The following WDR27 variants were observed in gnomAD, a reference collection of about 807,000 sequenced individuals.
WDR27 encodes the protein WD repeat-containing protein 27.
A neutral mutation model predicts 114.4 loss-of-function variants in WDR27; 100 were observed. That is an observed-to-expected ratio of 0.87 (90% CI 0.74 to 1.03). WDR27 has a LOEUF of 1.03. Ranked by LOEUF, WDR27 falls within the 50% of genes least tolerant of loss-of-function variation. The probability of loss-of-function intolerance (pLI) is 0.00; values close to 1 mark genes in which losing one functional copy is unlikely to be tolerated. For missense variants in WDR27, 1,129 were observed against 1,092.9 expected, an observed-to-expected ratio of 1.03 and a Z score of -0.47; for synonymous variants, 449 against 423.1, an observed-to-expected ratio of 1.06 and a Z score of -0.75.
intron 25 of WDR27, among the ~76,000 whole-genome samples, chr6:169,547,279 T>C (rs1797573330): frequency 6.6e-6 from 1 of 151,972 alleles, no homozygotes; most frequent in African/African-American, 2.4e-5. Flanking sequence ...TAATCTCCTT[T>C]AAAGGATAGA....
chr6:169,647,558 G>A (rs1055502448), intron 16 of WDR27: 6 of 625,682 alleles, frequency 9.6e-6, no homozygotes, highest in Non-Finnish European at 1.2e-5. Context: ...CTGTGCCCAC[G>A]CAGGGGTGAG....
intron 25 of WDR27, among the ~76,000 whole-genome samples, chr6:169,521,819 G>A (rs1269756622): frequency 6.6e-6 from 1 of 151,668 alleles, no homozygotes. Context: ...AAAATTAAAA[G>A]CAACAAATTA....
At position 169,461,218 on chromosome 6, in the gene WDR27, C is replaced by G. The variant is rs374306511; in HGVS notation, c.2646-3584G>C. On this transcript the variant is annotated intron_variant, in intron 25 of 25. Coordinates refer to ENST00000448612, the MANE Select transcript of WDR27 (RefSeq NM_182552.5). ...CCTCTTCTAATAATGGATAGGACAA[C>G]CAGACAGAACATAGGTAAGGACATA... Among the ~76,000 whole-genome samples, 20 of 152,146 alleles carry G rather than the reference C, an allele frequency of 1.3e-4. No homozygotes were observed. In the South Asian group the frequency reaches 2.5e-3, roughly 19 times the overall value.
At chr6:169,612,698 TGC>T (rs1463679738) in intron 22 of WDR27, among the ~76,000 whole-genome samples, 26 of 149,616 alleles carry the variant, frequency 1.7e-4, no homozygotes, top group Non-Finnish European at 3.1e-4. Context: ...TGCCTGAGGC[TGC>T]TTTATAGTTA....
intron 2 of WDR27, among the ~76,000 whole-genome samples, chr6:169,679,199 G>C (rs913641402): frequency 3.9e-5 from 6 of 152,114 alleles, no homozygotes; most frequent in African/African-American, 1.4e-4. Flanking sequence ...ATGCCTCCCT[G>C]AAATATATAA....
chr6:169,668,119 TC>T lies in WDR27; in HGVS notation c.522del (p.Thr175ProfsTer23). On this transcript the variant is annotated frameshift_variant, in exon 5 of 26. Transcript: ENST00000448612. LOFTEE classifies it high-confidence loss of function. ...DVNNRHKVPP[P>X]TFLHTFSQTQ... is the part of the protein sequence containing the mutation. ...GTCTGAGAGAATGTGTGCAGGAAGG[TC>T]GGTGGTGGGACTTTGTGGCGGTTAT... The T allele has an allele frequency of 6.2e-7, 1 of 1,613,922 alleles. No homozygotes were observed.
intron 2 of WDR27, among the ~76,000 whole-genome samples, chr6:169,683,449 C>A (rs1782062435): frequency 6.6e-6 from 1 of 151,914 alleles, no homozygotes; most frequent in Non-Finnish European, 1.5e-5. Context: ...GCATACTGTA[C>A]CTGGAGAAAC....
chr6:169,565,798 T>C (rs1324837124), intron 25 of WDR27, among the ~76,000 whole-genome samples: 2 of 152,218 alleles, frequency 1.3e-5, no homozygotes, highest in African/African-American at 4.8e-5. Flanking sequence ...ACTACAGGCA[T>C]GAGCCACCAC....
the WDR27 span, among the ~76,000 whole-genome samples, chr6:169,446,020 C>A: frequency 6.6e-6 from 1 of 152,252 alleles, no homozygotes; most frequent in Non-Finnish European, 1.5e-5. Flanking sequence ...AATGAAAGGG[C>A]TCTGTCACTT....
the WDR27 span, among the ~76,000 whole-genome samples, chr6:169,443,101 A>G: frequency 1.1e-4 from 16 of 152,220 alleles, no homozygotes; most frequent in African/African-American, 3.9e-4. Context: ...AAGTGGGCTG[A>G]GGTTGGGAAC....
chr6:169,591,037 T>G (rs1305919322), intron 23 of WDR27, among the ~76,000 whole-genome samples: 1 of 152,162 alleles, frequency 6.6e-6, no homozygotes, highest in Non-Finnish European at 1.5e-5. Flanking sequence ...GATTCTACTT[T>G]TTGCTCTTTG....
At chr6:169,641,092 G>A (rs1050130125) in intron 17 of WDR27, among the ~76,000 whole-genome samples, 1 of 152,234 alleles carries the variant, frequency 6.6e-6, no homozygotes, top group African/African-American at 2.4e-5. Flanking sequence ...CGGCAATGCA[G>A]GGGTTGCGAA....
At chr6:169,660,638 A>G in intron 10 of WDR27, 25 bp downstream of exon 10, 2 of 1,580,372 alleles carry the variant, frequency 1.3e-6, no homozygotes, top group Non-Finnish European at 8.7e-7. Context: ...TTACAGTTAC[A>G]TGGCGTTGAA....
chr6:169,692,414 C>A (rs1784751054), intron 1 of WDR27, among the ~76,000 whole-genome samples: 1 of 152,122 alleles, frequency 6.6e-6, no homozygotes, highest in Non-Finnish European at 1.5e-5. Flanking sequence ...GATATGAGCA[C>A]AGGAGCTGCC....
intron 16 of WDR27, among the ~76,000 whole-genome samples, chr6:169,645,036 T>A (rs371823218): frequency 0.12 from 8,769 of 74,184 alleles, 59 homozygotes; most frequent in Middle Eastern, 0.17. Flanking sequence ...AAAAAAAAAA[T>A]AAAAAAAAAA....
chr6:169,651,865 G>A (rs1454591405), intron 14 of WDR27, 65 bp downstream of exon 14: 16 of 1,409,640 alleles, frequency 1.1e-5, no homozygotes, highest in Non-Finnish European at 1.5e-5. Flanking sequence ...GTCCCTATTT[G>A]TGTTAAAATC....
At chr6:169,427,809 C>A in the WDR27 span, among the ~76,000 whole-genome samples, 71 of 126,520 alleles carry the variant, frequency 5.6e-4, no homozygotes, top group South Asian at 1.4e-3. Flanking sequence ...AAACAACAAC[C>A]AAAAAAAAAA....
the WDR27 span, among the ~76,000 whole-genome samples, chr6:169,447,901 A>G: frequency 6.6e-6 from 1 of 152,184 alleles, no homozygotes; most frequent in Non-Finnish European, 1.5e-5. Context: ...TGGGAAGTCA[A>G]TGAGTTGGAT....
chr6:169,667,199 C>CA lies in WDR27; in HGVS notation c.661-13dup. The CA allele has an allele frequency of 6.6e-7, 1 of 1,505,840 alleles. No homozygotes were observed. Among genetic ancestry groups the CA allele is most frequent in the Non-Finnish European group, 8.9e-7 (1 of 1,129,594 alleles). 93.3% of individuals were successfully genotyped at this position (1,505,840 alleles called of 1,614,324 possible). On this transcript the variant is annotated splice_polypyrimidine_tract_variant and intron_variant, in intron 5 of 25. Coordinates refer to ENST00000448612, the MANE Select transcript of WDR27 (RefSeq NM_182552.5). Reference sequence around the variant, plus strand: ...CAATGGTCCCAGACCTTTGGATAAACACAGGATTCTTTAGAAGAGGTAACA... The same window carrying CA: ...CAATGGTCCCAGACCTTTGGATAAACAACAGGATTCTTTAGAAGAGGTAACA...
Sources: allele counts gnomAD v4.1 joint callset (sites outside exome capture counted in the v4.1 genomes callset), GRCh38; gene constraint gnomAD v4.1.1; transcripts MANE v1.5; gene names NCBI Gene and HGNC (gene_info 2026-07-23, HGNC 2026-07-21).